LHFPL3: variants seen among roughly 807,000 people sequenced by gnomAD.
The protein encoded by LHFPL3 is LHFPL tetraspan subfamily member 3.
Under a neutral mutation model 19.3 loss-of-function variants are expected in LHFPL3, and 5 were observed. The ratio of observed to expected loss-of-function variants is 0.26; its 90% CI spans 0.14 to 0.54. LHFPL3 has a LOEUF of 0.54. LHFPL3 is among the 20% of genes least tolerant of loss of function. The probability of loss-of-function intolerance (pLI) is 0.94; values close to 1 mark genes in which losing one functional copy is unlikely to be tolerated. For missense variants in LHFPL3, 249 were observed against 307.4 expected (o/e 0.81, Z 1.42); for synonymous variants, 133 against 126.2 (o/e 1.05, Z -0.36).
At chr7:104,348,331 C>T (rs1043314819) in intron 1 of LHFPL3, among the ~76,000 whole-genome samples, 5 of 152,100 alleles carry the variant, frequency 3.3e-5, no homozygotes, top group African/African-American at 1.2e-4. Context: ...TGCAGTGAGC[C>T]GAGATCTCGT....
chr7:104,850,409 G>A (rs957035515), intron 2 of LHFPL3, among the ~76,000 whole-genome samples: 1 of 152,208 alleles, frequency 6.6e-6, no homozygotes, highest in Non-Finnish European at 1.5e-5. Flanking sequence ...GAAGGTCAGA[G>A]AAGATCTTTT....
intron 1 of LHFPL3, among the ~76,000 whole-genome samples, chr7:104,427,249 G>T (rs900128322): frequency 6.6e-6 from 1 of 151,962 alleles, no homozygotes; most frequent in African/African-American, 2.4e-5. Context: ...TAGCTCTCAA[G>T]TGAAACCTAT....
At position 104,495,615 on chromosome 7, in the gene LHFPL3, C is replaced by T. The variant is rs188761894; in HGVS notation, c.445+166391C>T. Among the ~76,000 whole-genome samples, 358 of 152,296 alleles carry T rather than the reference C, an allele frequency of 2.4e-3. 1 individual carries two copies. The highest frequency in any genetic ancestry group is 4.0e-3 in the Non-Finnish European group (272 of 68,034). ...AGCCAGGATGGTCTCCATCTCCTGA[C>T]CTCATGATCTGCCCGCCTTGGCCTC... On this transcript the variant is annotated intron_variant, in intron 1 of 2. Coordinates refer to ENST00000424859, the MANE Select transcript of LHFPL3 (RefSeq NM_199000.3).
At chr7:104,536,764 A>T (rs1173976648) in intron 1 of LHFPL3, among the ~76,000 whole-genome samples, 2 of 152,192 alleles carry the variant, frequency 1.3e-5, no homozygotes, top group Non-Finnish European at 2.9e-5. Context: ...TTGTTTCAGA[A>T]TGGTAAAAAA....
rs544682021 is a variant in LHFPL3 at position 104,579,408 on chromosome 7, C to G, written c.446-157267C>G. ...GCTCCCACTGACAAGTGAGAACATG[C>G]GGTATTGGGTTTTCTGTTTCTGCAT... On this transcript the variant is annotated intron_variant, in intron 1 of 2. Coordinates refer to ENST00000424859, the MANE Select transcript of LHFPL3 (RefSeq NM_199000.3). Among the ~76,000 whole-genome samples, 16 of 152,228 alleles carry G rather than the reference C, an allele frequency of 1.1e-4. 3 individuals are homozygous for G. Among genetic ancestry groups the G allele is most frequent in the Admixed American group, 9.8e-4 (15 of 15,278 alleles).
chr7:104,611,127 G>A (rs1791206141), intron 1 of LHFPL3, among the ~76,000 whole-genome samples: 1 of 152,308 alleles, frequency 6.6e-6, no homozygotes, highest in South Asian at 2.1e-4. Context: ...TAAACCTATA[G>A]GATGTTGATG....
chr7:104,693,346 G>C (rs1215964938), intron 1 of LHFPL3, among the ~76,000 whole-genome samples: 1 of 152,168 alleles, frequency 6.6e-6, no homozygotes, highest in Non-Finnish European at 1.5e-5. Context: ...GGGAAGGCAT[G>C]ATTGTGTAAG....
chr7:104,835,686 C>T lies in LHFPL3; in HGVS notation c.683-70501C>T, dbSNP rs549876032. ...GTTTTTACAAAAATTGTATCAAATT[C>T]TTCATATTGAAAATGGCTCACTTCA... On this transcript the variant is annotated intron_variant, in intron 2 of 2. Transcript: ENST00000424859. Among the ~76,000 whole-genome samples, 5 of 150,970 alleles carry T rather than the reference C, an allele frequency of 3.3e-5. No homozygotes were observed. In the East Asian group the frequency reaches 9.7e-4, roughly 29 times the overall value.
At chr7:104,433,703 C>T (rs1245368980) in intron 1 of LHFPL3, among the ~76,000 whole-genome samples, 2 of 152,156 alleles carry the variant, frequency 1.3e-5, no homozygotes, top group Non-Finnish European at 2.9e-5. Context: ...TCCTTTTGGA[C>T]TCAGCTTTGT....
At chr7:104,578,456 G>A (rs1790389365) in intron 1 of LHFPL3, among the ~76,000 whole-genome samples, 1 of 152,208 alleles carries the variant, frequency 6.6e-6, no homozygotes, top group Non-Finnish European at 1.5e-5. Flanking sequence ...CCCCAGGCAG[G>A]TAGGCAAGAG....
chr7:104,861,512 G>A (rs1235252499), intron 2 of LHFPL3, among the ~76,000 whole-genome samples: 3 of 152,140 alleles, frequency 2.0e-5, no homozygotes, highest in African/African-American at 7.2e-5. Context: ...GGAGAACCTT[G>A]GAGGATGACA....
chr7:104,858,901 AC>A (rs1345760705), intron 2 of LHFPL3, among the ~76,000 whole-genome samples: 1 of 152,016 alleles, frequency 6.6e-6, no homozygotes, highest in South Asian at 2.1e-4. Flanking sequence ...CACTACCTGC[AC>A]ATGCCATACC....
chr7:104,462,601 G>A (rs1490924037), intron 1 of LHFPL3, among the ~76,000 whole-genome samples: 1 of 152,192 alleles, frequency 6.6e-6, no homozygotes. Context: ...TTTGATCATG[G>A]TGGATTAGCT....
chr7:104,706,957 C>T (rs1793202720), intron 1 of LHFPL3, among the ~76,000 whole-genome samples: 1 of 146,698 alleles, frequency 6.8e-6, no homozygotes, highest in African/African-American at 2.5e-5. Flanking sequence ...GCCCAGCTAG[C>T]CTAGTGTATG....
chr7:104,531,555 C>T (rs1794295416), intron 1 of LHFPL3, among the ~76,000 whole-genome samples: 1 of 152,090 alleles, frequency 6.6e-6, no homozygotes, highest in South Asian at 2.1e-4. Flanking sequence ...GAACCTAAGA[C>T]CCCTACAAAG....
At chr7:104,558,500 T>A (rs1175716250) in intron 1 of LHFPL3, among the ~76,000 whole-genome samples, 7 of 152,294 alleles carry the variant, frequency 4.6e-5, no homozygotes, top group African/African-American at 1.7e-4. Flanking sequence ...TCTGTTCATG[T>A]CATTCGCCCA....
At chr7:104,341,739 G>C (rs568982460) in intron 1 of LHFPL3, among the ~76,000 whole-genome samples, 1 of 152,170 alleles carries the variant, frequency 6.6e-6, no homozygotes, top group Non-Finnish European at 1.5e-5. Context: ...TTGTCGGCAG[G>C]ATGGGCTCTA....
intron 1 of LHFPL3, among the ~76,000 whole-genome samples, chr7:104,384,038 G>A (rs1191426724): frequency 1.3e-5 from 2 of 152,210 alleles, no homozygotes; most frequent in Admixed American, 1.3e-4. Context: ...CTGTATGATG[G>A]GAGAAGTAGA....
intron 1 of LHFPL3, among the ~76,000 whole-genome samples, chr7:104,353,029 G>C (rs1177474011): frequency 6.6e-6 from 1 of 152,200 alleles, no homozygotes; most frequent in African/African-American, 2.4e-5. Flanking sequence ...TCCCTCTGCA[G>C]TTCTGGATGC....
Sources: gnomAD v4.1 joint callset for allele counts (sites outside exome capture counted in the v4.1 genomes callset) on GRCh38, gnomAD v4.1.1 for gene constraint, MANE v1.5 for transcripts, NCBI Gene and HGNC (gene_info 2026-07-23, HGNC 2026-07-21) for gene names.